The following BIN1 variants were observed in gnomAD, a reference collection of about 807,000 sequenced individuals.
BIN1 encodes the protein myc box-dependent-interacting protein 1.
In BIN1, 53 loss-of-function variants were observed where a neutral mutation model predicts 82.0. The ratio of observed to expected loss-of-function variants is 0.65; its 90% CI spans 0.52 to 0.81. BIN1 has a LOEUF of 0.81. Ranked by LOEUF, BIN1 falls within the 40% of genes least tolerant of loss-of-function variation. The pLI, the probability that BIN1 is intolerant of heterozygous loss-of-function variation, is 0.00. For synonymous variants in BIN1, 302 were observed against 328.0 expected (o/e 0.92, Z 0.86); for missense variants, 642 against 784.4 (o/e 0.82, Z 2.17).
At chr2:127,072,287 C>T (rs1230477914) in intron 2 of BIN1, among the ~76,000 whole-genome samples, 1 of 152,252 alleles carries the variant, frequency 6.6e-6, no homozygotes, top group East Asian at 1.9e-4. Context: ...AGGCCTCTCC[C>T]TGTCCTTAGC....
At chr2:127,050,699 C>T in intron 17 of BIN1, 103 bp downstream of exon 17, 16 of 1,411,804 alleles carry the variant, frequency 1.1e-5, no homozygotes, top group Non-Finnish European at 1.6e-5. Context: ...CCTAGTAGCG[C>T]CTGCACAACT....
intron 14 of BIN1, 23 bp from the exon 15 acceptor site, chr2:127,052,385 G>A (rs748265079): frequency 8.8e-5 from 137 of 1,557,986 alleles, no homozygotes; most frequent in Non-Finnish European, 1.2e-4. Context: ...CACGAGGAGA[G>A]AACAGGGAGG....
chr2:127,100,628 T>A (rs1680189553), intron 1 of BIN1, among the ~76,000 whole-genome samples: 1 of 152,206 alleles, frequency 6.6e-6, no homozygotes, highest in Non-Finnish European at 1.5e-5. Context: ...AATGCCATTA[T>A]GTTTAAGTTA....
rs377171774 is a variant in BIN1, at chr2:127,057,202, C to T, written c.1131+271G>A. 9.2e-5 allele frequency among the ~76,000 whole-genome samples: 14 copies of T among 152,232 alleles called. No homozygotes were observed. The highest frequency in any genetic ancestry group is 2.9e-4 in the African/African-American group (12 of 41,460). ...CCCTCTGCCATAGCACCCACTGCGT[C>T]GCGAGGGCGCTGCTGATGTAACTGC... is the stretch of plus-strand genomic sequence containing the variant. On this transcript the variant is annotated intron_variant, in intron 12 of 18. Transcript: ENST00000316724. The surrounding 1 kb of genome is among the most constrained non-coding windows in gnomAD (Gnocchi z 5.0).
At position 127,086,100 on chromosome 2, in the gene BIN1, G is replaced by T. The variant is rs571501173; in HGVS notation, c.85-9394C>A. 8.5e-5 allele frequency among the ~76,000 whole-genome samples: 13 copies of T among 152,270 alleles called. No individual in the cohort carries two copies. The East Asian group carries it at 2.5e-3, about 29-fold the overall frequency. On this transcript the variant is annotated intron_variant, in intron 1 of 18. Coordinates refer to ENST00000316724, the MANE Select transcript of BIN1 (RefSeq NM_139343.3). ...ACACATCACCCTTGAACCCCCTCCC[G>T]TTGGGTTCATATCCCTAGGCCACCC...
intron 1 of BIN1, among the ~76,000 whole-genome samples, chr2:127,105,503 T>TCCTCCTCCCCCTCCTCCTCC (rs1480065007): frequency 7.3e-6 from 1 of 137,842 alleles, no homozygotes; most frequent in Non-Finnish European, 1.6e-5. Flanking sequence ...CTCCTCCTCC[T>TCCTCCTCCCCCTCCTCCTCC]TCCCTGGGGT....
Position 127,106,906 on chromosome 2 carries a change from T to C in BIN1, c.38A>G (p.Lys13Arg). 6.2e-7 allele frequency: 1 copy of C among 1,612,616 alleles called. No individual in the cohort carries two copies. Among genetic ancestry groups the C allele is most frequent in the Non-Finnish European group, 8.5e-7 (1 of 1,179,638 alleles). The change falls in exon 1 of 19, where the codon AAG (lysine) becomes AGG (arginine). Residue 13 changes from lysine (K) to arginine (R), a missense_variant. By Grantham distance (26) the Lys-to-Arg change is conservative. Coordinates refer to ENST00000316724, the MANE Select transcript of BIN1 (RefSeq NM_139343.3). The stretch of plus-strand genomic sequence containing the variant: ...CTTCTTCTGCACGTTGCTGGCGATC[T>C]TTCCCGCCGTCACCCCTTTACTGCC... ...EMGSKGVTAG[K>R]IASNVQKKLT...
Position 127,070,589 on chromosome 2 carries a change from A to T in BIN1, c.279T>A (p.Asp93Glu), listed in dbSNP as rs770994335. 25 of 1,614,150 alleles carry T rather than the reference A, an allele frequency of 1.5e-5. No homozygotes were observed. Among genetic ancestry groups the T allele is most frequent in the Non-Finnish European group, 1.9e-5 (23 of 1,180,014 alleles). ...TGTTTGCCTCATCCCTGCCGGGCCA[A>T]TCGGGCTCATACACCTCCTGCAGAC... is the stretch of plus-strand genomic sequence containing the variant. The part of the protein sequence containing the change: ...NECLQEVYEP[D>E]WPGRDEANKI... The change falls in exon 4 of 19, where the codon GAT (aspartate) becomes GAA (glutamate). Residue 93 changes from aspartate (D) to glutamate (E), a missense_variant. Transcript: ENST00000316724.
intron 1 of BIN1, among the ~76,000 whole-genome samples, chr2:127,078,883 T>A (rs977229488): frequency 7.3e-5 from 9 of 123,364 alleles, no homozygotes; most frequent in African/African-American, 2.8e-4. Flanking sequence ...AAGAGAGGAA[T>A]AGACCACCAC....
At position 127,076,811 on chromosome 2, in the gene BIN1, C is replaced by T. The variant is rs935024827; in HGVS notation, c.85-105G>A. 5.3e-6 allele frequency: 7 copies of T among 1,310,932 alleles called. No homozygotes were observed. In the African/African-American group the frequency reaches 1.0e-4, roughly 19 times the overall value. 81.2% of individuals were successfully genotyped at this position (1,310,932 alleles called of 1,614,324 possible). ...GCACAGACCAGGGGCTGGGAAGTCT[C>T]TAGCCAACATCACCCAGCCCAGGGT... On this transcript the variant is annotated intron_variant, in intron 1 of 18. Transcript: ENST00000316724.
At chr2:127,070,919 C>A in intron 2 of BIN1, 103 bp from the exon 3 acceptor site, 1 of 1,166,278 alleles carries the variant, frequency 8.6e-7, no homozygotes, top group Non-Finnish European at 1.2e-6. Context: ...GGCTGCTCTC[C>A]TGACAGCAGC....
At chr2:127,084,446 C>A (rs532362048) in intron 1 of BIN1, among the ~76,000 whole-genome samples, 1 of 152,238 alleles carries the variant, frequency 6.6e-6, no homozygotes, top group Non-Finnish European at 1.5e-5. Context: ...CATCTCCAGG[C>A]GCTTCCTTAC....
rs1683782452 is a variant in BIN1, at chr2:127,057,105, C to T, written c.1131+368G>A. 2.0e-5 allele frequency among the ~76,000 whole-genome samples: 3 copies of T among 152,210 alleles called. No individual in the cohort carries two copies. Among genetic ancestry groups the T allele is most frequent in the Non-Finnish European group, 4.4e-5 (3 of 68,032 alleles). ...CTGAAGTCCAGGTGCTTCAGCCATT[C>T]CAGGACCTTCCAACTCTCCCTGGCC... On this transcript the variant is annotated intron_variant, in intron 12 of 18. Transcript: ENST00000316724. This position sits in a 1 kb window ranked among gnomAD's most constrained non-coding sequence, Gnocchi z 5.0.
rs762698349 is a variant in BIN1 at position 127,070,824 on chromosome 2, GAGA to G, written c.166-11_166-9del. On this transcript the variant is annotated splice_polypyrimidine_tract_variant and intron_variant, in intron 2 of 18. Transcript: ENST00000316724. ...CAGCCGGGTGCCCTCCGTCTGCAAAGAGAAGGACAAGGACCAGGTCAGGGACTG... is the reference window on the plus strand; with the variant it reads ...CAGCCGGGTGCCCTCCGTCTGCAAAGAGGACAAGGACCAGGTCAGGGACTG... 6.2e-7 allele frequency: 1 copy of G among 1,611,414 alleles called. No homozygotes were observed. The highest frequency in any genetic ancestry group is 1.1e-5 in the South Asian group (1 of 90,846).
intron 1 of BIN1, among the ~76,000 whole-genome samples, chr2:127,104,787 T>C (rs2105361200): frequency 6.6e-6 from 1 of 152,230 alleles, no homozygotes; most frequent in Admixed American, 6.5e-5. Context: ...GGTTGAGGCA[T>C]GGGGCTTCCT....
Position 127,076,718 on chromosome 2 carries a change from A to G in BIN1, c.85-12T>C. The G allele has an allele frequency of 6.2e-7, 1 of 1,614,036 alleles. No individual in the cohort carries two copies. The highest frequency in any genetic ancestry group is 1.3e-5 in the African/African-American group (1 of 75,048). On this transcript the variant is annotated splice_polypyrimidine_tract_variant and intron_variant, in intron 1 of 18. Transcript: ENST00000316724. ...AGCTTCTGGAGAACCTGCCGAAGCC[A>G]AGAGAGAAGGGGAGAGTGTTACCTT... is the stretch of plus-strand genomic sequence containing the variant.
intron 1 of BIN1, among the ~76,000 whole-genome samples, chr2:127,094,236 G>A (rs1679298135): frequency 6.6e-6 from 1 of 152,216 alleles, no homozygotes; most frequent in Non-Finnish European, 1.5e-5. Context: ...GGGGCTCTGA[G>A]ACTTGAAAAT....
chr2:127,086,422 A>C (rs557245544), intron 1 of BIN1, among the ~76,000 whole-genome samples: 1 of 152,326 alleles, frequency 6.6e-6, no homozygotes, highest in Admixed American at 6.5e-5. Flanking sequence ...CAAAGCTGAC[A>C]AAGATTTTCA....
In BIN1 at chr2:127,101,363, C is replaced by G. The variant is rs1291039885; in HGVS notation, c.84+5497G>C. Among the ~76,000 whole-genome samples the G allele has an allele frequency of 3.3e-5, 5 of 152,230 alleles. No individual in the cohort carries two copies. The East Asian group carries it at 7.7e-4, about 23-fold the overall frequency. ...GAGCTGCCCACCTGACTCTCTCCAC[C>G]CAATCCACTTGCTGTGTGAGCTCCC... is the stretch of plus-strand genomic sequence containing the variant. On this transcript the variant is annotated intron_variant, in intron 1 of 18. Transcript: ENST00000316724.
Sources: allele counts gnomAD v4.1 joint callset (sites outside exome capture counted in the v4.1 genomes callset), GRCh38; gene constraint gnomAD v4.1.1; non-coding constraint Gnocchi (gnomAD v3.1); transcripts MANE v1.5; gene names NCBI Gene and HGNC (gene_info 2026-07-23, HGNC 2026-07-21).